Variants in C1orf94 observed in about 807,000 individuals in gnomAD.
The protein encoded by C1orf94 is uncharacterized protein C1orf94.
C1orf94 carries 45 observed loss-of-function variants against 53.6 expected under a neutral mutation model. The observed-to-expected ratio is 0.84, with a 90% CI of 0.66 to 1.08. The LOEUF is 1.08. Ranked by LOEUF, C1orf94 falls within the 50% of genes least tolerant of loss-of-function variation. C1orf94 has a pLI of 0.00. For missense variants in C1orf94, 762 were observed against 738.9 expected (o/e 1.03, Z -0.36); for synonymous variants, 304 against 296.1 (o/e 1.03, Z -0.27).
chr1:34,184,968 T>A (rs1176559391), intron 1 of C1orf94, among the ~76,000 whole-genome samples: 2 of 152,268 alleles, frequency 1.3e-5, no homozygotes, highest in East Asian at 1.9e-4. Context: ...GAGTCTAATC[T>A]CAACTAGTGT....
At chr1:34,189,506 C>T (rs987064436) in intron 1 of C1orf94, among the ~76,000 whole-genome samples, 2 of 152,164 alleles carry the variant, frequency 1.3e-5, no homozygotes, top group African/African-American at 2.4e-5. Context: ...GGGCAGGGGC[C>T]ACACTGGGTG....
rs1333219713 is a variant in C1orf94 at position 34,177,827 on chromosome 1, G to A, written c.38G>A (p.Gly13Glu). ...GGGGCVLALG[G>E]QRGFQKERRR... is the part of the protein sequence containing the mutation. ...GGTGGTTGTGTTCTAGCCCTGGGTG[G>A]ACAGAGGGGCTTCCAGAAAGAGAGG... The change falls in exon 1 of 7, where the codon GGA (glycine) becomes GAA (glutamate). Residue 13 changes from glycine (G) to glutamate (E), a missense_variant. Physicochemically the swap from Gly to Glu is moderately conservative, Grantham distance 98. Coordinates refer to ENST00000488417, the MANE Select transcript of C1orf94 (RefSeq NM_001134734.2). 39 of 1,549,484 alleles carry A rather than the reference G, an allele frequency of 2.5e-5. No individual in the cohort carries two copies. The highest frequency in any genetic ancestry group is 3.4e-5 in the Non-Finnish European group (39 of 1,145,588).
chr1:34,203,915 AT>A (rs971484724), intron 4 of C1orf94, among the ~76,000 whole-genome samples: 1 of 152,052 alleles, frequency 6.6e-6, no homozygotes, highest in African/African-American at 2.4e-5. Context: ...GTAGAACTCA[AT>A]TTTTTCAGGA....
intron 1 of C1orf94, among the ~76,000 whole-genome samples, chr1:34,187,991 G>C (rs1642414891): frequency 6.6e-6 from 1 of 152,120 alleles, no homozygotes; most frequent in South Asian, 2.1e-4. Flanking sequence ...GTCTGCAAGT[G>C]CACCATTGCA....
At chr1:34,181,233 A>G (rs1642308045) in intron 1 of C1orf94, among the ~76,000 whole-genome samples, 1 of 152,168 alleles carries the variant, frequency 6.6e-6, no homozygotes, top group Admixed American at 6.5e-5. Flanking sequence ...TTTTGTCTCT[A>G]TAAGCTAACC....
intron 1 of C1orf94, among the ~76,000 whole-genome samples, chr1:34,187,417 T>C (rs528976952): frequency 7.9e-5 from 12 of 152,272 alleles, no homozygotes; most frequent in African/African-American, 2.4e-4. Context: ...AGATGAATCA[T>C]GATTAACGTC....
intron 1 of C1orf94, among the ~76,000 whole-genome samples, chr1:34,187,022 C>T (rs185272914): frequency 6.6e-6 from 1 of 152,244 alleles, no homozygotes; most frequent in African/African-American, 2.4e-5. Context: ...AGCAAGGGGT[C>T]ACGGTCATCA....
At chr1:34,181,278 A>G (rs1172049490) in intron 1 of C1orf94, among the ~76,000 whole-genome samples, 2 of 152,152 alleles carry the variant, frequency 1.3e-5, no homozygotes, top group Admixed American at 6.5e-5. Context: ...CCATGTGCCA[A>G]TTTGGTTAGT....
chr1:34,188,512 G>A (rs1460099027), intron 1 of C1orf94, among the ~76,000 whole-genome samples: 1 of 152,194 alleles, frequency 6.6e-6, no homozygotes, highest in Non-Finnish European at 1.5e-5. Context: ...AAGAGACCGA[G>A]GTCTCCGTGA....
rs74068105 is a variant in C1orf94, at chr1:34,171,446, A to G, written c.-251+4275A>G. On this transcript the variant is annotated intron_variant, in intron 1 of 6. Transcript: ENST00000373374. ...ACATTCAGGGAATTTTTGCTGGATG[A>G]ATGGATAAACAGATGGATGGATGGA... is the stretch of plus-strand genomic sequence containing the variant. Among the ~76,000 whole-genome samples the G allele has an allele frequency of 1.3e-3, 185 of 147,762 alleles. 1 individual carries two copies. Among genetic ancestry groups the G allele is most frequent in the Middle Eastern group, 7.1e-3 (2 of 280 alleles).
At chr1:34,191,328 T>C (rs1642475971) in intron 1 of C1orf94, among the ~76,000 whole-genome samples, 1 of 152,186 alleles carries the variant, frequency 6.6e-6, no homozygotes, top group African/African-American at 2.4e-5. Flanking sequence ...ACTAAATAAA[T>C]AATGAGCCCT....
chr1:34,200,536 G>T (rs536540484), intron 2 of C1orf94, among the ~76,000 whole-genome samples: 14 of 152,210 alleles, frequency 9.2e-5, no homozygotes, highest in African/African-American at 2.9e-4. Context: ...ATGGACAGAT[G>T]GGTGGATGAA....
At chr1:34,175,108 A>AT (rs2148609430), upstream of C1orf94, among the ~76,000 whole-genome samples, 1 of 151,944 alleles carries the variant, frequency 6.6e-6, no homozygotes, top group African/African-American at 2.4e-5. Context: ...ATCACTTAAG[A>AT]TTTTTGCAGA....
intron 6 of C1orf94, among the ~76,000 whole-genome samples, chr1:34,216,941 G>T (rs1414303201): frequency 6.6e-6 from 1 of 152,122 alleles, no homozygotes; most frequent in East Asian, 1.9e-4. Flanking sequence ...TTAGCCAGGT[G>T]TGATGGTGCA....
At chr1:34,167,331 G>C (rs1642054095) in intron 1 of C1orf94, among the ~76,000 whole-genome samples, 1 of 152,206 alleles carries the variant, frequency 6.6e-6, no homozygotes, top group South Asian at 2.1e-4. Flanking sequence ...GCCCACAGCT[G>C]GGCAGAAGAG....
rs748990552 is a variant in C1orf94 at position 34,197,569 on chromosome 1, C to T, written c.665C>T (p.Thr222Ile). 1 of 1,614,022 alleles carries T rather than the reference C, an allele frequency of 6.2e-7. No individual in the cohort carries two copies. Among genetic ancestry groups the T allele is most frequent in the African/African-American group, 1.3e-5 (1 of 74,926 alleles). The change falls in exon 2 of 7, where the codon ACA becomes ATA. Residue 222 changes from threonine (T) to isoleucine (I), a missense_variant. Transcript: ENST00000488417. This position sits in a 1 kb window ranked among gnomAD's most constrained non-coding sequence, Gnocchi z 4.1. ...CAAEVKSSKG[T>I]EDRGRILGDS... ...GCCGAGGTCAAGAGCAGCAAGGGGA[C>T]AGAGGACAGGGGCCGCATCCTAGGT...
In C1orf94 at chr1:34,197,074, G is replaced by T. The variant is rs1057363587; in HGVS notation, c.321-151G>T. ...CCGCTGTGGTATAGGACCCTCTGGG[G>T]GTCCAGTGTGTCTGCTGGGTTATCT... On this transcript the variant is annotated intron_variant, in intron 1 of 6. Transcript: ENST00000488417. This position sits in a 1 kb window ranked among gnomAD's most constrained non-coding sequence, Gnocchi z 4.1. The T allele has an allele frequency of 2.6e-5, 18 of 698,054 alleles. No homozygotes were observed. Among genetic ancestry groups the T allele is most frequent in the Non-Finnish European group, 4.0e-5 (17 of 421,100 alleles). 43.2% of individuals were successfully genotyped at this position (698,054 alleles called of 1,614,324 possible).
chr1:34,218,575 G>T, intron 6 of C1orf94, 111 bp from the exon 7 acceptor site: 1 of 797,290 alleles, frequency 1.3e-6, no homozygotes, highest in South Asian at 2.7e-5. Flanking sequence ...CTCCAAGCCT[G>T]TCATGGTCTT....
intron 6 of C1orf94, among the ~76,000 whole-genome samples, chr1:34,215,776 T>A (rs1359627674): frequency 6.6e-6 from 1 of 151,898 alleles, no homozygotes; most frequent in Non-Finnish European, 1.5e-5. Context: ...GAGACCGAGG[T>A]GGGTGGATCA....
Sources: allele counts gnomAD v4.1 joint callset (sites outside exome capture counted in the v4.1 genomes callset), GRCh38; gene constraint gnomAD v4.1.1; non-coding constraint Gnocchi (gnomAD v3.1); transcripts MANE v1.5; gene names NCBI Gene and HGNC (gene_info 2026-07-23, HGNC 2026-07-21).